The following COPA variants were observed in gnomAD, a reference collection of about 807,000 sequenced individuals.
The protein encoded by COPA is coatomer subunit alpha.
In COPA, 10 loss-of-function variants were observed where a neutral mutation model predicts 158.7. The ratio of observed to expected loss-of-function variants is 0.06; its 90% CI spans 0.04 to 0.11. The LOEUF is 0.11. COPA is among the 10% of genes least tolerant of loss of function. COPA has a pLI of 1.00. For missense variants in COPA, 1,065 were observed against 1,536.7 expected, an observed-to-expected ratio of 0.69 and a Z score of 5.13; for synonymous variants, 462 against 542.8, an observed-to-expected ratio of 0.85 and a Z score of 2.07.
At chr1:160,317,576 T>A (rs552427730) in intron 8 of COPA, 30 of 1,595,798 alleles carry the variant, frequency 1.9e-5, no homozygotes, top group Middle Eastern at 2.3e-4. Context: ...GGCGTTCCAA[T>A]GAATTCATTC....
chr1:160,291,503 G>T lies in COPA; in HGVS notation c.3259-7C>A. On this transcript the variant is annotated splice_region_variant and splice_polypyrimidine_tract_variant and intron_variant, in intron 30 of 32. Coordinates refer to ENST00000241704, the MANE Select transcript of COPA (RefSeq NM_004371.4). ...GGGTGAAATAGGCTGCCATCTGGTGGACAGAAAAAGGAACACATGCCAGGT... is the reference window on the plus strand; with the variant it reads ...GGGTGAAATAGGCTGCCATCTGGTGTACAGAAAAAGGAACACATGCCAGGT... The T allele has an allele frequency of 6.2e-7, 1 of 1,611,426 alleles. No individual in the cohort carries two copies. Among genetic ancestry groups the T allele is most frequent in the Non-Finnish European group, 8.5e-7 (1 of 1,178,116 alleles).
rs1447828998 is a variant in COPA, at chr1:160,299,277, G to A, written c.1668-13C>T. 5 of 1,595,754 alleles carry A rather than the reference G, an allele frequency of 3.1e-6. No homozygotes were observed. The highest frequency in any genetic ancestry group is 1.7e-4 in the Middle Eastern group (1 of 5,984). On this transcript the variant is annotated splice_polypyrimidine_tract_variant and intron_variant, in intron 17 of 32. Transcript: ENST00000241704. ...GATCCCGTGGTCCCTAAGAACAGAG[G>A]GCACAGCTTTCAGTAAGTGAGAGGG...
chr1:160,304,911 T>C (rs373169065), intron 17 of COPA, among the ~76,000 whole-genome samples: 1 of 152,088 alleles, frequency 6.6e-6, no homozygotes, highest in East Asian at 1.9e-4. Flanking sequence ...AATAAATACA[T>C]TGGAGCTACA....
chr1:160,343,162 G>A lies in COPA; in HGVS notation c.9C>T (p.Thr3=). The A allele has an allele frequency of 1.2e-6, 2 of 1,614,096 alleles. No homozygotes were observed. The highest frequency in any genetic ancestry group is 1.7e-6 in the Non-Finnish European group (2 of 1,180,026). ML[T]KFETKSARVK... ...CCCGCGCGCTCTTGGTCTCGAATTTGGTTAACATCTCTCAGGTCTCCGACT... is the reference window on the plus strand; with the variant it reads ...CCCGCGCGCTCTTGGTCTCGAATTTAGTTAACATCTCTCAGGTCTCCGACT... Residue 3 remains threonine (T), a synonymous_variant, in exon 1 of 33, where the codon ACC becomes ACT. Transcript: ENST00000241704.
chr1:160,314,943 A>G (rs1025692115), intron 8 of COPA, among the ~76,000 whole-genome samples: 1 of 152,212 alleles, frequency 6.6e-6, no homozygotes, highest in African/African-American at 2.4e-5. Flanking sequence ...CACCACAGGA[A>G]AAAAGGGAAA....
At chr1:160,303,704 A>C (rs1658690804) in intron 17 of COPA, among the ~76,000 whole-genome samples, 1 of 152,218 alleles carries the variant, frequency 6.6e-6, no homozygotes, top group South Asian at 2.1e-4. Context: ...ATTGAAATTA[A>C]GACTGTTCAT....
intron 8 of COPA, among the ~76,000 whole-genome samples, chr1:160,315,487 G>A (rs1659100580): frequency 6.6e-6 from 1 of 152,202 alleles, no homozygotes; most frequent in Non-Finnish European, 1.5e-5. Context: ...AGCCAGCCTT[G>A]ACACACAGCT....
intron 8 of COPA, among the ~76,000 whole-genome samples, chr1:160,318,827 A>AC (rs1553205702): frequency 6.7e-6 from 1 of 149,488 alleles, no homozygotes; most frequent in Non-Finnish European, 1.5e-5. Flanking sequence ...TATCTATAAG[A>AC]TTTTTTTTTG....
At position 160,333,675 on chromosome 1, in the gene COPA, T is replaced by C; in HGVS notation, c.314A>G (p.Tyr105Cys). ...ATCGGAGGCACTCAGAATCCAGGGA[T>C]ATTCCTGAAAGATATTCCAGACAAA... ...YIRTTFFHHE[Y>C]PWILSASDDQ... Residue 105 changes from tyrosine to cysteine, a missense_variant, in exon 5 of 33, where the codon TAT becomes TGT. Physicochemically the swap from Tyr to Cys is radical, Grantham distance 194 (BLOSUM62 -2). Transcript: ENST00000241704. 6.2e-7 allele frequency: 1 copy of C among 1,611,620 alleles called. No individual in the cohort carries two copies. The highest frequency in any genetic ancestry group is 8.5e-7 in the Non-Finnish European group (1 of 1,178,208).
chr1:160,309,816 C>T (rs536931040), intron 12 of COPA, among the ~76,000 whole-genome samples: 6 of 150,798 alleles, frequency 4.0e-5, no homozygotes, highest in African/African-American at 1.5e-4. Context: ...GCCAACCCCA[C>T]TGATATGAAC....
intron 2 of COPA, 46 bp downstream of exon 2, chr1:160,340,135 T>C: frequency 6.7e-7 from 1 of 1,500,170 alleles, no homozygotes; most frequent in Non-Finnish European, 9.3e-7. Flanking sequence ...CCCCAGGATA[T>C]TATAAATACT....
In COPA at chr1:160,294,769, T is replaced by A. The variant is rs1387443394; in HGVS notation, c.2565A>T (p.Glu855Asp). ...ACAGTCTTAAAACAGCACTTTTACC[T>A]TCATCCAACTGCAGCTCTGCATCCT... is the stretch of plus-strand genomic sequence containing the variant. ...WGEDAELQLD[E>D]DGFVEATEGL... is the part of the protein sequence containing the mutation. The change falls in exon 24 of 33, where the codon GAA becomes GAT. Residue 855 changes from glutamate (E) to aspartate (D), a missense_variant and splice_region_variant. This residue lies in a region of COPA where 980 missense variants were observed against 1,357.8 expected (regional missense o/e 0.72). Coordinates refer to ENST00000241704, the MANE Select transcript of COPA (RefSeq NM_004371.4). 2 of 1,613,968 alleles carry A rather than the reference T, an allele frequency of 1.2e-6. No individual in the cohort carries two copies. The highest frequency in any genetic ancestry group is 1.7e-6 in the Non-Finnish European group (2 of 1,179,962).
intron 6 of COPA, among the ~76,000 whole-genome samples, chr1:160,328,026 T>G (rs1413847609): frequency 6.6e-6 from 1 of 152,218 alleles, no homozygotes; most frequent in Non-Finnish European, 1.5e-5. Context: ...AGCAAGAGCT[T>G]AGAAGGCCAC....
At chr1:160,298,520 C>A (rs894704821) in intron 19 of COPA, among the ~76,000 whole-genome samples, 1 of 152,226 alleles carries the variant, frequency 6.6e-6, no homozygotes, top group African/African-American at 2.4e-5. Flanking sequence ...GGTACTCTTT[C>A]ATCTAAGTAG....
At chr1:160,318,496 A>C (rs866191177) in intron 8 of COPA, among the ~76,000 whole-genome samples, 1,897 of 138,446 alleles carry the variant, frequency 0.014, 2 homozygotes, top group Non-Finnish European at 0.021. Flanking sequence ...AAAAAACAAA[A>C]AAAAAAAAAA....
intron 5 of COPA, among the ~76,000 whole-genome samples, chr1:160,332,826 T>A (rs1647591850): frequency 6.6e-6 from 1 of 152,220 alleles, no homozygotes; most frequent in Non-Finnish European, 1.5e-5. Flanking sequence ...CAAAAATATT[T>A]TAAAATATCA....
At chr1:160,328,825 T>C (rs1042231276) in intron 6 of COPA, among the ~76,000 whole-genome samples, 4 of 152,230 alleles carry the variant, frequency 2.6e-5, no homozygotes, top group African/African-American at 9.6e-5. Context: ...CAGGTTAAGC[T>C]AAGCCCTGTG....
chr1:160,326,698 C>T (rs1407956147), intron 6 of COPA, among the ~76,000 whole-genome samples: 1 of 152,174 alleles, frequency 6.6e-6, no homozygotes, highest in Non-Finnish European at 1.5e-5. Flanking sequence ...AAAGTGTACT[C>T]ATGCCTACTA....
intron 25 of COPA, 72 bp downstream of exon 25, chr1:160,294,412 G>C (rs1205765132): frequency 3.1e-6 from 4 of 1,308,682 alleles, no homozygotes; most frequent in East Asian, 4.6e-5. Context: ...GATAGTGGTA[G>C]GGGACAATAA....
Sources: gnomAD v4.1 joint callset for allele counts (sites outside exome capture counted in the v4.1 genomes callset) on GRCh38, gnomAD v4.1.1 for gene constraint, gnomAD v4.1.1 regional missense constraint, MANE v1.5 for transcripts, NCBI Gene and HGNC (gene_info 2026-07-23, HGNC 2026-07-21) for gene names.